The following FNDC3B variants were observed in gnomAD, a reference collection of about 807,000 sequenced individuals.
FNDC3B encodes fibronectin type III domain-containing protein 3B.
A neutral mutation model predicts 151.5 loss-of-function variants in FNDC3B; 12 were observed. The ratio of observed to expected loss-of-function variants is 0.08; its 90% CI spans 0.05 to 0.13. The LOEUF (loss-of-function observed/expected upper bound fraction) is 0.13. FNDC3B is among the 10% of genes least tolerant of loss of function. FNDC3B has a pLI of 1.00. For synonymous variants in FNDC3B, 528 were observed against 549.0 expected (o/e 0.96, Z 0.54); for missense variants, 1,214 against 1,505.3 (o/e 0.81, Z 3.20).
At chr3:172,113,562 GT>G (rs1720089350) in intron 2 of FNDC3B, among the ~76,000 whole-genome samples, 1 of 152,190 alleles carries the variant, frequency 6.6e-6, no homozygotes, top group Non-Finnish European at 1.5e-5. Context: ...TAGGTGCTCA[GT>G]AAATGTTTGT....
intron 1 of FNDC3B, among the ~76,000 whole-genome samples, chr3:172,078,281 G>C (rs1718118371): frequency 6.6e-6 from 1 of 152,220 alleles, no homozygotes; most frequent in South Asian, 2.1e-4. Context: ...CACCCAGCCA[G>C]AGCTCATATT....
At chr3:172,166,884 G>C (rs1384798566) in intron 3 of FNDC3B, among the ~76,000 whole-genome samples, 4 of 152,146 alleles carry the variant, frequency 2.6e-5, no homozygotes, top group African/African-American at 9.7e-5. Context: ...ATCTTTGCCA[G>C]AGAAGATAAT....
intron 1 of FNDC3B, among the ~76,000 whole-genome samples, chr3:172,110,857 G>A (rs1054274952): frequency 1.3e-5 from 2 of 152,080 alleles, no homozygotes; most frequent in Admixed American, 1.3e-4. Context: ...ACTTTGGGAG[G>A]CCGAGGTAGG....
At chr3:172,204,481 T>C (rs541031223) in intron 3 of FNDC3B, among the ~76,000 whole-genome samples, 24 of 151,848 alleles carry the variant, frequency 1.6e-4, no homozygotes, top group Non-Finnish European at 3.1e-4. Context: ...CATGTATACA[T>C]ACATGCACAG....
At chr3:172,167,396 A>G (rs1019554034) in intron 3 of FNDC3B, among the ~76,000 whole-genome samples, 3 of 152,172 alleles carry the variant, frequency 2.0e-5, no homozygotes, top group African/African-American at 4.8e-5. Context: ...ACTGTCTCAA[A>G]AAGAATATAG....
chr3:172,368,884 G>A (rs1166948846), intron 23 of FNDC3B, among the ~76,000 whole-genome samples: 1 of 152,128 alleles, frequency 6.6e-6, no homozygotes, highest in Non-Finnish European at 1.5e-5. Flanking sequence ...GGTGGCAGAT[G>A]CCTATAGTCC....
At chr3:172,295,296 C>CA in intron 7 of FNDC3B, 67 bp from the exon 8 acceptor site, 1 of 1,448,688 alleles carries the variant, frequency 6.9e-7, no homozygotes, top group African/African-American at 1.4e-5. Flanking sequence ...AGTTTTATGC[C>CA]ACTACTAATA....
At chr3:172,135,223 A>G (rs1721301117) in intron 3 of FNDC3B, among the ~76,000 whole-genome samples, 1 of 151,896 alleles carries the variant, frequency 6.6e-6, no homozygotes, top group Admixed American at 6.6e-5. Context: ...ATTCCACCTA[A>G]GTTTACTTTT....
intron 4 of FNDC3B, among the ~76,000 whole-genome samples, chr3:172,240,160 C>T (rs1040396964): frequency 2.0e-5 from 3 of 152,124 alleles, no homozygotes; most frequent in South Asian, 2.1e-4. Flanking sequence ...CGTGAGCCAC[C>T]GCGCTCAGCC....
chr3:172,195,529 G>C (rs948350090), intron 3 of FNDC3B, among the ~76,000 whole-genome samples: 1 of 152,166 alleles, frequency 6.6e-6, no homozygotes, highest in Non-Finnish European at 1.5e-5. Flanking sequence ...TTAAGAATCT[G>C]AGAAGTTGTG....
At chr3:172,378,063 G>A (rs935660754) in intron 23 of FNDC3B, among the ~76,000 whole-genome samples, 3 of 152,050 alleles carry the variant, frequency 2.0e-5, no homozygotes, top group African/African-American at 7.2e-5. Flanking sequence ...GTCTTTATAT[G>A]TGCTTAAGTT....
chr3:172,245,973 C>T (rs1727754221), intron 4 of FNDC3B, among the ~76,000 whole-genome samples: 1 of 152,052 alleles, frequency 6.6e-6, no homozygotes, highest in Admixed American at 6.6e-5. Flanking sequence ...CAATCTAAAC[C>T]TATTTTGTAC....
chr3:172,040,026 GC>G lies in FNDC3B; in HGVS notation c.-29+260del, dbSNP rs1173265802. ...TGCTGGGCTGGGGTCCCCCGCCTGTGCCCCCTGCCTCAGGGTTTGGAGGAGT... is the reference window on the plus strand; with the variant it reads ...TGCTGGGCTGGGGTCCCCCGCCTGTGCCCCTGCCTCAGGGTTTGGAGGAGT... On this transcript the variant is annotated intron_variant, in intron 1 of 25. Coordinates refer to ENST00000415807, the MANE Select transcript of FNDC3B (RefSeq NM_022763.4). This position sits in a 1 kb window ranked among gnomAD's most constrained non-coding sequence, Gnocchi z 6.6. Among the ~76,000 whole-genome samples the G allele has an allele frequency of 6.6e-6, 1 of 152,148 alleles. No individual in the cohort carries two copies. The highest frequency in any genetic ancestry group is 6.5e-5 in the Admixed American group (1 of 15,280).
At chr3:172,086,019 T>C (rs1206651304) in intron 1 of FNDC3B, among the ~76,000 whole-genome samples, 1 of 152,194 alleles carries the variant, frequency 6.6e-6, no homozygotes, top group Non-Finnish European at 1.5e-5. Context: ...AAGTGATATT[T>C]CATCCAGGAG....
At chr3:172,062,992 T>A (rs1717291533) in intron 1 of FNDC3B, among the ~76,000 whole-genome samples, 1 of 152,238 alleles carries the variant, frequency 6.6e-6, no homozygotes, top group African/African-American at 2.4e-5. Context: ...TATGATCTAA[T>A]GCTACAAAAC....
At chr3:172,280,579 C>T (rs1345690190) in intron 6 of FNDC3B, among the ~76,000 whole-genome samples, 1 of 152,078 alleles carries the variant, frequency 6.6e-6, no homozygotes, top group Non-Finnish European at 1.5e-5. Context: ...AAGAACTAGA[C>T]AGAAGGTTTA....
chr3:172,078,799 T>C (rs1328538658), intron 1 of FNDC3B, among the ~76,000 whole-genome samples: 1 of 152,170 alleles, frequency 6.6e-6, no homozygotes, highest in Admixed American at 6.5e-5. Context: ...GGTTTGAGGG[T>C]GCATTCCTCA....
chr3:172,121,333 G>A (rs1007529210), intron 2 of FNDC3B, among the ~76,000 whole-genome samples: 8 of 152,108 alleles, frequency 5.3e-5, no homozygotes, highest in African/African-American at 1.7e-4. Context: ...GAATTAGGCT[G>A]GGCGCTGGTT....
At position 172,380,934 on chromosome 3, in the gene FNDC3B, T is replaced by C. The variant is rs1375558490; in HGVS notation, c.3176-32T>C. On this transcript the variant is annotated intron_variant, in intron 24 of 25. Coordinates refer to ENST00000415807, the MANE Select transcript of FNDC3B (RefSeq NM_022763.4). ...TGACTATTAACATGATACTTTGAAT[T>C]TTGAGCTTGGATGTGTGGATTTGTA... is the stretch of plus-strand genomic sequence containing the variant. 2.5e-6 allele frequency: 4 copies of C among 1,609,706 alleles called. No individual in the cohort carries two copies. The Admixed American group carries it at 5.0e-5, about 20-fold the overall frequency.
Sources: gnomAD v4.1 joint callset for allele counts (sites outside exome capture counted in the v4.1 genomes callset) on GRCh38, gnomAD v4.1.1 for gene constraint, Gnocchi (gnomAD v3.1) non-coding constraint, MANE v1.5 for transcripts, NCBI Gene and HGNC (gene_info 2026-07-23, HGNC 2026-07-21) for gene names.